Variants in CERT1 observed in about 807,000 individuals in gnomAD.
CERT1 encodes the protein ceramide transfer protein.
A neutral mutation model predicts 87.9 loss-of-function variants in CERT1; 31 were observed. The observed-to-expected ratio is 0.35, with a 90% CI of 0.27 to 0.48. The LOEUF (loss-of-function observed/expected upper bound fraction) is 0.48, where lower values mean the gene tolerates loss of function less well. CERT1 is among the 20% of genes least tolerant of loss of function. CERT1 has a pLI of 0.99. For missense variants in CERT1, 487 were observed against 758.0 expected (o/e 0.64, Z 4.20); for synonymous variants, 289 against 250.9 (o/e 1.15, Z -1.44).
intron 9 of CERT1, chr5:75,401,469 G>A (rs775393861): frequency 2.6e-5 from 4 of 152,154 alleles, no homozygotes; most frequent in Non-Finnish European, 5.9e-5. Context: ...CTAAGAGTAA[G>A]ACTGAGGTGT....
At chr5:75,380,399 T>C (rs1458626763) in intron 16 of CERT1, among the ~76,000 whole-genome samples, 3 of 152,188 alleles carry the variant, frequency 2.0e-5, no homozygotes, top group Non-Finnish European at 4.4e-5. Flanking sequence ...AGGCTGACAA[T>C]GAGTAAAAGA....
chr5:75,440,416 A>C (rs1212027753), intron 3 of CERT1, among the ~76,000 whole-genome samples: 2 of 152,052 alleles, frequency 1.3e-5, no homozygotes, highest in Non-Finnish European at 2.9e-5. Context: ...CATTTGCAAA[A>C]ATTTGCCCAC....
chr5:75,447,715 C>T (rs142065951), intron 3 of CERT1, among the ~76,000 whole-genome samples: 2,188 of 151,908 alleles, frequency 0.014, 46 homozygotes, highest in African/African-American at 0.049. Context: ...ACCTCGTGAT[C>T]CACCCACCTC....
intron 2 of CERT1, among the ~76,000 whole-genome samples, chr5:75,486,413 A>G (rs1170516233): frequency 6.6e-6 from 1 of 152,148 alleles, no homozygotes; most frequent in Non-Finnish European, 1.5e-5. Context: ...CAAAAGTGAA[A>G]GCCTTTCCTG....
At chr5:75,429,656 C>T (rs1763784613) in intron 3 of CERT1, among the ~76,000 whole-genome samples, 1 of 151,880 alleles carries the variant, frequency 6.6e-6, no homozygotes, top group South Asian at 2.1e-4. Flanking sequence ...TATACTGAAG[C>T]CTAGGTGACA....
At chr5:75,381,256 C>T in intron 15 of CERT1, 55 bp from the exon 16 acceptor site, 2 of 1,602,030 alleles carry the variant, frequency 1.2e-6, no homozygotes, top group East Asian at 2.2e-5. Flanking sequence ...GTAAACTCTG[C>T]TGGTCTAATA....
At chr5:75,398,625 G>A (rs1762348750) in intron 11 of CERT1, among the ~76,000 whole-genome samples, 1 of 151,996 alleles carries the variant, frequency 6.6e-6, no homozygotes, top group Non-Finnish European at 1.5e-5. Context: ...AAGAACTAAC[G>A]CTGACACTAA....
intron 2 of CERT1, among the ~76,000 whole-genome samples, chr5:75,491,064 G>A (rs1389211020): frequency 1.3e-5 from 2 of 152,054 alleles, no homozygotes; most frequent in Admixed American, 1.3e-4. Context: ...CGGGATTAGA[G>A]GAATTTTCCT....
chr5:75,373,958 T>C, downstream of CERT1: 1 of 396,990 alleles, frequency 2.5e-6, no homozygotes, highest in East Asian at 3.6e-5. Flanking sequence ...TATAGCCATA[T>C]ACATGTAATT....
chr5:75,502,506 C>T (rs936960857), intron 2 of CERT1, among the ~76,000 whole-genome samples: 10 of 152,062 alleles, frequency 6.6e-5, no homozygotes, highest in African/African-American at 2.2e-4. Flanking sequence ...TATATCCACA[C>T]GATTCAACAG....
At chr5:75,459,764 A>C (rs1261765382) in intron 2 of CERT1, among the ~76,000 whole-genome samples, 2 of 152,088 alleles carry the variant, frequency 1.3e-5, no homozygotes, top group African/African-American at 4.8e-5. Flanking sequence ...GGAGTTCAAG[A>C]CCAGCCTGGC....
chr5:75,432,297 G>A (rs529090723), intron 3 of CERT1, among the ~76,000 whole-genome samples: 12 of 152,116 alleles, frequency 7.9e-5, no homozygotes, highest in African/African-American at 1.4e-4. Context: ...GTCGTAATCC[G>A]CCTGCCTTGG....
At chr5:75,371,638 AT>A (rs1460452155) in intron 17 of CERT1, 1 of 152,236 alleles carries the variant, frequency 6.6e-6, no homozygotes, top group African/African-American at 2.4e-5. Context: ...GGAGTCCTGA[AT>A]TCCAACTGAA....
chr5:75,456,462 G>C (rs1303499048), intron 3 of CERT1, among the ~76,000 whole-genome samples: 1 of 151,682 alleles, frequency 6.6e-6, no homozygotes, highest in Non-Finnish European at 1.5e-5. Context: ...TGAGTTCAGG[G>C]GTTCAAGATC....
chr5:75,494,190 C>T (rs1766949213), intron 2 of CERT1, among the ~76,000 whole-genome samples: 2 of 152,174 alleles, frequency 1.3e-5, no homozygotes, highest in African/African-American at 2.4e-5. Flanking sequence ...TGACTCGAAA[C>T]CCAAAGGCTG....
intron 5 of CERT1, 27 bp downstream of exon 5, chr5:75,425,334 A>G: frequency 6.3e-7 from 1 of 1,598,582 alleles, no homozygotes; most frequent in Non-Finnish European, 8.5e-7. Context: ...TTCTCCAAGT[A>G]AAAATAGTGG....
chr5:75,497,527 G>A (rs1257636760), intron 2 of CERT1, among the ~76,000 whole-genome samples: 2 of 152,070 alleles, frequency 1.3e-5, no homozygotes, highest in South Asian at 2.1e-4. Context: ...TTGAATTGGA[G>A]TTCCCATAAT....
chr5:75,456,185 C>T (rs908457858), intron 3 of CERT1, among the ~76,000 whole-genome samples: 3 of 152,166 alleles, frequency 2.0e-5, no homozygotes. Flanking sequence ...TTTGAAATTT[C>T]TCCTTCTTAC....
At chr5:75,461,821 G>GAAGA (rs1765245343) in intron 2 of CERT1, among the ~76,000 whole-genome samples, 1 of 89,700 alleles carries the variant, frequency 1.1e-5, no homozygotes, top group East Asian at 2.9e-4. Context: ...TCAACAAAGT[G>GAAGA]AAAAAAAAAA....
Sources: gnomAD v4.1 joint callset for allele counts (sites outside exome capture counted in the v4.1 genomes callset) on GRCh38, gnomAD v4.1.1 for gene constraint, MANE v1.5 for transcripts, NCBI Gene and HGNC (gene_info 2026-07-23, HGNC 2026-07-21) for gene names.